ITGB8: variants seen among roughly 807,000 people sequenced by gnomAD.
The protein encoded by ITGB8 is integrin subunit beta 8, also known as integrin beta-8.
Under a neutral mutation model 89.5 loss-of-function variants are expected in ITGB8, and 30 were observed. The ratio of observed to expected loss-of-function variants is 0.34; its 90% CI spans 0.25 to 0.45. The LOEUF is 0.45. Among genes scored for constraint, ITGB8 ranks in the 20% least tolerant of loss-of-function variants. The pLI is 1.00. For synonymous variants in ITGB8, 335 were observed against 320.4 expected (o/e 1.05, Z -0.49); for missense variants, 836 against 933.3 (o/e 0.90, Z 1.36).
At chr7:20,367,662 T>C (rs938119740) in intron 3 of ITGB8, among the ~76,000 whole-genome samples, 6 of 151,900 alleles carry the variant, frequency 3.9e-5, no homozygotes, top group Admixed American at 2.6e-4. Flanking sequence ...TAAAAGTTTA[T>C]TACAAAGTTC....
chr7:20,347,739 T>C (rs1784976110), intron 1 of ITGB8, among the ~76,000 whole-genome samples: 1 of 152,122 alleles, frequency 6.6e-6, no homozygotes, highest in South Asian at 2.1e-4. Context: ...GACAGAAGCT[T>C]GGGTGAGAGT....
At chr7:20,395,646 T>C (rs1333874551) in intron 8 of ITGB8, among the ~76,000 whole-genome samples, 1 of 152,180 alleles carries the variant, frequency 6.6e-6, no homozygotes, top group African/African-American at 2.4e-5. Flanking sequence ...TGTTAAGATG[T>C]TGTGAAAATA....
intron 1 of ITGB8, among the ~76,000 whole-genome samples, chr7:20,361,119 T>C (rs1044019343): frequency 6.6e-6 from 1 of 152,178 alleles, no homozygotes. Context: ...GTTGAGCTTT[T>C]TTTCATATGT....
Position 20,409,703 on chromosome 7 carries a change from T to C in ITGB8, c.2112T>C (p.Ile704=). 1.2e-6 allele frequency: 2 copies of C among 1,609,890 alleles called. No individual in the cohort carries two copies. The highest frequency in any genetic ancestry group is 1.7e-6 in the Non-Finnish European group (2 of 1,176,628). ...FLIGLLKVLI[I]RQVILQWNSN... is the part of the protein sequence containing the mutation. ...TTGGGTTGCTTAAAGTCCTGATCAT[T>C]AGACAGGTGATACTACAATGGAATA... Residue 704 remains isoleucine, a synonymous_variant, in exon 13 of 14, where the codon ATT becomes ATC. Transcript: ENST00000222573.
intron 7 of ITGB8, among the ~76,000 whole-genome samples, chr7:20,391,902 A>G (rs1268574552): frequency 6.6e-6 from 1 of 152,212 alleles, no homozygotes; most frequent in Non-Finnish European, 1.5e-5. Flanking sequence ...AAATTAGAGA[A>G]TATCAGCTTA....
chr7:20,381,614 C>T, intron 5 of ITGB8, 113 bp from the exon 6 acceptor site: 3 of 733,404 alleles, frequency 4.1e-6, no homozygotes, highest in South Asian at 4.0e-5. Context: ...CCACGCACAT[C>T]GTTCTAGCCT....
At chr7:20,371,817 G>A (rs188027201) in intron 3 of ITGB8, among the ~76,000 whole-genome samples, 32 of 152,282 alleles carry the variant, frequency 2.1e-4, no homozygotes, top group Admixed American at 7.8e-4. Context: ...TAGGTCAAAT[G>A]TATGACAATG....
At chr7:20,361,036 A>C (rs1471757384) in intron 1 of ITGB8, among the ~76,000 whole-genome samples, 1 of 147,010 alleles carries the variant, frequency 6.8e-6, no homozygotes, top group African/African-American at 2.5e-5. Flanking sequence ...ACTTTTTAAT[A>C]ATTGCCATTC....
chr7:20,372,895 A>C (rs139878146), intron 3 of ITGB8, among the ~76,000 whole-genome samples: 243 of 152,308 alleles, frequency 1.6e-3, no homozygotes, highest in African/African-American at 5.3e-3. Flanking sequence ...TGAATTTGAC[A>C]TCAAAGACAT....
chr7:20,363,609 A>G, intron 1 of ITGB8, 28 bp from the exon 2 acceptor site: 1 of 1,372,342 alleles, frequency 7.3e-7, no homozygotes, highest in Non-Finnish European at 1.0e-6. Context: ...TTGAGAGTAA[A>G]TTATAACTGT....
chr7:20,392,970 ATT>A (rs1786924456), intron 7 of ITGB8, among the ~76,000 whole-genome samples: 1 of 152,228 alleles, frequency 6.6e-6, no homozygotes, highest in Non-Finnish European at 1.5e-5. Context: ...ATTGTCAGGC[ATT>A]GAGTTTGTAA....
chr7:20,405,206 G>A (rs1787484721), intron 11 of ITGB8, among the ~76,000 whole-genome samples: 1 of 151,932 alleles, frequency 6.6e-6, no homozygotes, highest in South Asian at 2.1e-4. Flanking sequence ...ATACCTTGCT[G>A]TATATCTGTG....
chr7:20,398,719 G>A (rs1402531882), intron 8 of ITGB8, 141 bp from the exon 9 acceptor site: 5 of 500,278 alleles, frequency 1.0e-5, no homozygotes, highest in Middle Eastern at 4.6e-4. Context: ...TGGAAACACT[G>A]TTTTTATTCA....
intron 1 of ITGB8, 173 bp downstream of exon 1, chr7:20,332,106 C>CA: frequency 1.5e-6 from 2 of 1,337,910 alleles, no homozygotes; most frequent in Non-Finnish European, 2.0e-6. Context: ...GGCCAGGTGT[C>CA]AAGCATTTCT....
chr7:20,349,000 A>G (rs937558662), intron 1 of ITGB8, among the ~76,000 whole-genome samples: 1 of 152,244 alleles, frequency 6.6e-6, no homozygotes, highest in Non-Finnish European at 1.5e-5. Context: ...GTACCAATAT[A>G]AAATTTTCTG....
chr7:20,379,260 A>C lies in ITGB8; in HGVS notation c.598A>C (p.Ile200Leu). 6.2e-7 allele frequency: 1 copy of C among 1,608,706 alleles called. No individual in the cohort carries two copies. Among genetic ancestry groups the C allele is most frequent in the Non-Finnish European group, 8.5e-7 (1 of 1,176,822 alleles). The change falls in exon 4 of 14, where the codon ATT (isoleucine) becomes CTT (leucine). Residue 200 changes from isoleucine to leucine, a missense_variant. Ile to Leu is a conservative substitution (Grantham distance 5). Transcript: ENST00000222573. The part of the protein sequence containing the change: ...SYVDKTVSPY[I>L]SIHPERIHNQ... ...CGTTGATAAAACAGTTTCACCATACATTAGCATCCACCCCGAAAGGATTCA... is the reference window on the plus strand; with the variant it reads ...CGTTGATAAAACAGTTTCACCATACCTTAGCATCCACCCCGAAAGGATTCA...
At chr7:20,395,374 C>A (rs1380982000) in intron 8 of ITGB8, among the ~76,000 whole-genome samples, 1 of 152,204 alleles carries the variant, frequency 6.6e-6, no homozygotes, top group African/African-American at 2.4e-5. Flanking sequence ...TCTGCCAGGG[C>A]AGTTAAACTA....
At chr7:20,365,617 C>G (rs543397156) in intron 2 of ITGB8, 1 of 152,270 alleles carries the variant, frequency 6.6e-6, no homozygotes, top group South Asian at 2.1e-4. Context: ...AGAACTTTGA[C>G]AAGGTTCTGG....
chr7:20,368,926 A>C (rs1258147564), intron 3 of ITGB8, among the ~76,000 whole-genome samples: 1 of 152,166 alleles, frequency 6.6e-6, no homozygotes, highest in Non-Finnish European at 1.5e-5. Flanking sequence ...ACTATAATCT[A>C]GGGCCTTTCC....
Sources: gnomAD v4.1 joint callset for allele counts (sites outside exome capture counted in the v4.1 genomes callset) on GRCh38, gnomAD v4.1.1 for gene constraint, MANE v1.5 for transcripts, NCBI Gene and HGNC (gene_info 2026-07-23, HGNC 2026-07-21) for gene names.